Variants in BAZ1A observed in about 807,000 individuals in gnomAD.
The protein encoded by BAZ1A is bromodomain adjacent to zinc finger domain protein 1A.
In BAZ1A, 50 loss-of-function variants were observed where a neutral mutation model predicts 185.2. The ratio of observed to expected loss-of-function variants is 0.27; its 90% CI spans 0.22 to 0.34. The LOEUF is 0.34. BAZ1A is among the 10% of genes least tolerant of loss of function. The pLI is 1.00. For synonymous variants in BAZ1A, 571 were observed against 615.6 expected (o/e 0.93, Z 1.07); for missense variants, 1,356 against 1,839.9 (o/e 0.74, Z 4.81).
intron 2 of BAZ1A, among the ~76,000 whole-genome samples, chr14:34,873,161 C>T (rs1180305725): frequency 6.6e-6 from 1 of 152,086 alleles, no homozygotes; most frequent in Non-Finnish European, 1.5e-5. Flanking sequence ...CTCAAAGGAA[C>T]TTTTCTAACC....
At chr14:34,800,452 T>C in intron 8 of BAZ1A, 62 bp from the exon 9 acceptor site, 4 of 1,272,002 alleles carry the variant, frequency 3.1e-6, no homozygotes, top group South Asian at 3.0e-5. Context: ...GGCAATTTTT[T>C]TGATGTAACA....
Position 34,800,259 on chromosome 14 carries a change from C to CT in BAZ1A, c.1092dup (p.Glu365ArgfsTer7). On this transcript the variant is annotated frameshift_variant, in exon 9 of 27. Coordinates refer to ENST00000360310, the MANE Select transcript of BAZ1A (RefSeq NM_013448.3). LOFTEE classifies it high-confidence loss of function. ...TCTACTTTAAGCCTCTCTTTTTCTT[C>CT]TTTTTTCTTTAGTCTCTCTTCTTCA... 7.0e-7 allele frequency: 1 copy of CT among 1,419,496 alleles called. No homozygotes were observed. Among genetic ancestry groups the CT allele is most frequent in the Non-Finnish European group, 9.5e-7 (1 of 1,047,456 alleles). 87.9% of individuals were successfully genotyped at this position (1,419,496 alleles called of 1,614,324 possible).
rs1002631710 is a variant in BAZ1A at position 34,756,162 on chromosome 14, G to A, written c.4387-1248C>T. 7.3e-4 allele frequency among the ~76,000 whole-genome samples: 105 copies of A among 144,336 alleles called. 1 individual carries two copies. The highest frequency in any genetic ancestry group is 2.3e-3 in the African/African-American group (90 of 38,596). The allele number at this position is 144,336 out of a possible 152,430, so 94.7% of individuals were successfully genotyped here. On this transcript the variant is annotated intron_variant, in intron 25 of 26. Transcript: ENST00000360310. ...AGAGTCTCACTCTGTCACCCAGGCT[G>A]GAGTGCAGTGGCACGATCTCGGCTC...
chr14:34,764,289 C>CTTTTTTTTTTTTT (rs34861206), intron 23 of BAZ1A, among the ~76,000 whole-genome samples: 99 of 111,818 alleles, frequency 8.9e-4, no homozygotes, highest in Admixed American at 1.1e-3. Flanking sequence ...TTTTTCTTTT[C>CTTTTTTTTTTTTT]TTTTTTTTTT....
Position 34,771,498 on chromosome 14 carries a change from AAC to A in BAZ1A, c.3301+11_3301+12del. 1 of 1,599,152 alleles carries A rather than the reference AAC, an allele frequency of 6.3e-7. No individual in the cohort carries two copies. Among genetic ancestry groups the A allele is most frequent in the African/African-American group, 1.3e-5 (1 of 74,210 alleles). ...AACACAACTAATATTTTGAAATAAA[AAC>A]AGATACTTACCAAGTGGAGCTTTCA... On this transcript the variant is annotated intron_variant, in intron 21 of 26. Coordinates refer to ENST00000360310, the MANE Select transcript of BAZ1A (RefSeq NM_013448.3).
chr14:34,848,090 G>C (rs1022267428), intron 3 of BAZ1A, among the ~76,000 whole-genome samples: 1 of 152,018 alleles, frequency 6.6e-6, no homozygotes, highest in African/African-American at 2.4e-5. Flanking sequence ...TTGAACTCCT[G>C]AGCCCAAGAC....
intron 3 of BAZ1A, among the ~76,000 whole-genome samples, chr14:34,827,666 C>T (rs1455190966): frequency 2.0e-5 from 3 of 149,372 alleles, no homozygotes; most frequent in Admixed American, 6.7e-5. Context: ...ACCCAGGAGG[C>T]GGAGTTTGCA....
intron 3 of BAZ1A, among the ~76,000 whole-genome samples, chr14:34,850,529 C>T (rs1425899931): frequency 6.6e-6 from 1 of 152,184 alleles, no homozygotes; most frequent in Non-Finnish European, 1.5e-5. Context: ...CATGGATGAA[C>T]ACTGTGGCAG....
Position 34,753,171 on chromosome 14 carries a change from C to T in BAZ1A, c.*337G>A, listed in dbSNP as rs965627660. The T allele has an allele frequency of 3.1e-5, 7 of 224,466 alleles. No individual in the cohort carries two copies. The highest frequency in any genetic ancestry group is 4.6e-5 in the African/African-American group (2 of 43,308). 13.9% of individuals were successfully genotyped at this position (224,466 alleles called of 1,614,324 possible). On this transcript the variant is annotated 3_prime_UTR_variant, in exon 27 of 27. Coordinates refer to ENST00000360310, the MANE Select transcript of BAZ1A (RefSeq NM_013448.3). ...AGATAACTCTCCCTTAATACCACCA[C>T]TTTAAAAAAAAATCATCAATAACAA...
chr14:34,761,044 C>T (rs745516832), intron 24 of BAZ1A, among the ~76,000 whole-genome samples: 22 of 151,780 alleles, frequency 1.4e-4, no homozygotes, highest in Non-Finnish European at 2.5e-4. Context: ...TTTGGGATGC[C>T]GAGGTGGGTG....
At position 34,782,698 on chromosome 14, in the gene BAZ1A, T is replaced by C. The variant is rs151332017; in HGVS notation, c.2111+421A>G. On this transcript the variant is annotated intron_variant, in intron 16 of 26. Coordinates refer to ENST00000360310, the MANE Select transcript of BAZ1A (RefSeq NM_013448.3). Reference sequence around the variant, plus strand: ...ATTGAGTTTTTTCAGAACTTTCCTTTGCAGATTTCATTAAAAAGGAAAAAA... The same window carrying C: ...ATTGAGTTTTTTCAGAACTTTCCTTCGCAGATTTCATTAAAAAGGAAAAAA... 5.3e-4 allele frequency among the ~76,000 whole-genome samples: 81 copies of C among 152,346 alleles called. 1 individual carries two copies. The highest frequency in any genetic ancestry group is 1.8e-3 in the African/African-American group (76 of 41,586).
At chr14:34,806,727 T>G (rs976191043) in intron 6 of BAZ1A, among the ~76,000 whole-genome samples, 3 of 152,014 alleles carry the variant, frequency 2.0e-5, no homozygotes, top group African/African-American at 7.2e-5. Flanking sequence ...ATTAGCATGA[T>G]ACTTTTTATT....
chr14:34,853,711 C>G (rs1207987255), intron 3 of BAZ1A, among the ~76,000 whole-genome samples: 1 of 152,132 alleles, frequency 6.6e-6, no homozygotes, highest in Non-Finnish European at 1.5e-5. Context: ...TGCTTGAACC[C>G]AGGAGACACA....
chr14:34,782,674 T>A (rs972266976), intron 16 of BAZ1A, among the ~76,000 whole-genome samples: 1 of 152,222 alleles, frequency 6.6e-6, no homozygotes, highest in Non-Finnish European at 1.5e-5. Context: ...TTTTGGAATA[T>A]TGAGTTTTTT....
chr14:34,756,712 G>A (rs902872151), intron 25 of BAZ1A, among the ~76,000 whole-genome samples: 5 of 151,360 alleles, frequency 3.3e-5, no homozygotes, highest in African/African-American at 4.9e-5. Flanking sequence ...GTGATTCACC[G>A]CCTTGGCCTC....
At chr14:34,827,802 A>AT (rs1201958819) in intron 3 of BAZ1A, among the ~76,000 whole-genome samples, 3 of 151,752 alleles carry the variant, frequency 2.0e-5, no homozygotes, top group African/African-American at 7.3e-5. Context: ...GGGCCTTATA[A>AT]TTTTTGAAAG....
At chr14:34,777,419 G>A (rs911175019) in intron 17 of BAZ1A, among the ~76,000 whole-genome samples, 5 of 152,126 alleles carry the variant, frequency 3.3e-5, no homozygotes, top group Non-Finnish European at 7.4e-5. Flanking sequence ...CGAGGTGGGC[G>A]GATCACCTGA....
At chr14:34,764,666 C>T in intron 23 of BAZ1A, 41 bp downstream of exon 23, 1 of 1,557,024 alleles carries the variant, frequency 6.4e-7, no homozygotes, top group South Asian at 1.2e-5. Context: ...AATTGTCTAA[C>T]TAAGACTTAC....
chr14:34,868,519 C>T (rs2042897482), intron 2 of BAZ1A, among the ~76,000 whole-genome samples: 1 of 152,116 alleles, frequency 6.6e-6, no homozygotes, highest in African/African-American at 2.4e-5. Flanking sequence ...AAATCAGAAA[C>T]TAGGCCGGGT....
Sources: allele counts gnomAD v4.1 joint callset (sites outside exome capture counted in the v4.1 genomes callset), GRCh38; gene constraint gnomAD v4.1.1; transcripts MANE v1.5; gene names NCBI Gene and HGNC (gene_info 2026-07-23, HGNC 2026-07-21).